ADAMTS19: variants seen among roughly 807,000 people sequenced by gnomAD.
ADAMTS19 encodes the protein A disintegrin and metalloproteinase with thrombospondin motifs 19.
ADAMTS19 carries 93 observed loss-of-function variants against 153.3 expected under a neutral mutation model. The ratio of observed to expected loss-of-function variants is 0.61; its 90% CI spans 0.51 to 0.72. ADAMTS19 has a LOEUF of 0.72. ADAMTS19 is among the 30% of genes least tolerant of loss of function. ADAMTS19 has a pLI of 0.00. For missense variants in ADAMTS19, 1,482 were observed against 1,552.1 expected, an observed-to-expected ratio of 0.95 and a Z score of 0.76; for synonymous variants, 600 against 556.6, an observed-to-expected ratio of 1.08 and a Z score of -1.10.
intron 3 of ADAMTS19, among the ~76,000 whole-genome samples, chr5:129,517,751 C>A (rs918302213): frequency 6.6e-6 from 1 of 151,678 alleles, no homozygotes. Context: ...CATTTTATGT[C>A]TTTTGATTAG....
chr5:129,533,806 G>A (rs1224732868), intron 6 of ADAMTS19, among the ~76,000 whole-genome samples: 8 of 151,902 alleles, frequency 5.3e-5, no homozygotes, highest in Non-Finnish European at 1.0e-4. Flanking sequence ...CTTTGTTCTC[G>A]TTGGTTGCAA....
At chr5:129,687,713 A>C (rs1160263861) in intron 18 of ADAMTS19, among the ~76,000 whole-genome samples, 1 of 152,194 alleles carries the variant, frequency 6.6e-6, no homozygotes, top group Non-Finnish European at 1.5e-5. Context: ...TCAATGACTC[A>C]GGGGTTCAAG....
intron 2 of ADAMTS19, among the ~76,000 whole-genome samples, chr5:129,465,283 T>A (rs1749814812): frequency 6.6e-6 from 1 of 151,464 alleles, no homozygotes; most frequent in African/African-American, 2.4e-5. Flanking sequence ...GCAACAATTA[T>A]CTTTGCTCAA....
At chr5:129,521,085 G>A (rs1751783043) in intron 3 of ADAMTS19, among the ~76,000 whole-genome samples, 1 of 152,112 alleles carries the variant, frequency 6.6e-6, no homozygotes, top group Non-Finnish European at 1.5e-5. Flanking sequence ...AGATTTTCAT[G>A]CGGGCTGTGG....
intron 6 of ADAMTS19, among the ~76,000 whole-genome samples, chr5:129,548,995 G>A (rs1752966151): frequency 7.7e-6 from 1 of 129,310 alleles, no homozygotes. Flanking sequence ...ATGGACACAG[G>A]AAGGGGAGCA....
At chr5:129,478,581 C>T (rs568830756) in intron 2 of ADAMTS19, among the ~76,000 whole-genome samples, 1 of 152,288 alleles carries the variant, frequency 6.6e-6, no homozygotes, top group Non-Finnish European at 1.5e-5. Context: ...GGGTCTTGCT[C>T]TGTCATCCAG....
At chr5:129,649,201 C>T (rs1753204718) in intron 13 of ADAMTS19, among the ~76,000 whole-genome samples, 1 of 152,172 alleles carries the variant, frequency 6.6e-6, no homozygotes, top group South Asian at 2.1e-4. Flanking sequence ...AAAGCAGTGA[C>T]AACACTAACT....
intron 7 of ADAMTS19, among the ~76,000 whole-genome samples, chr5:129,575,648 T>A (rs1754072325): frequency 6.6e-6 from 1 of 152,130 alleles, no homozygotes; most frequent in Admixed American, 6.6e-5. Context: ...AATTTTCAGC[T>A]GTTTCTGTGT....
chr5:129,551,050 A>G (rs1753073284), intron 6 of ADAMTS19, among the ~76,000 whole-genome samples: 1 of 151,700 alleles, frequency 6.6e-6, no homozygotes, highest in South Asian at 2.1e-4. Context: ...TACATGTTAA[A>G]TCATTTAAAT....
At chr5:129,634,458 C>G (rs1046198325) in intron 10 of ADAMTS19, among the ~76,000 whole-genome samples, 2 of 152,070 alleles carry the variant, frequency 1.3e-5, no homozygotes, top group Non-Finnish European at 2.9e-5. Flanking sequence ...GAAACAAAAA[C>G]AAGCCCAAAT....
chr5:129,639,462 C>T (rs954263364), intron 10 of ADAMTS19, among the ~76,000 whole-genome samples: 2 of 152,140 alleles, frequency 1.3e-5, no homozygotes, highest in African/African-American at 4.8e-5. Context: ...GGGTAAAAGA[C>T]ATCTCTGAGA....
chr5:129,564,473 C>T (rs1457885413), intron 7 of ADAMTS19, among the ~76,000 whole-genome samples: 6 of 151,958 alleles, frequency 3.9e-5, no homozygotes, highest in African/African-American at 7.3e-5. Flanking sequence ...TATACATGAT[C>T]CTTGGTGAGG....
chr5:129,685,476 A>C (rs1755042089), intron 18 of ADAMTS19, among the ~76,000 whole-genome samples: 1 of 152,154 alleles, frequency 6.6e-6, no homozygotes, highest in African/African-American at 2.4e-5. Context: ...AATAAATAAA[A>C]AATAATGTAG....
chr5:129,572,741 T>C (rs906634352), intron 7 of ADAMTS19, among the ~76,000 whole-genome samples: 2 of 151,926 alleles, frequency 1.3e-5, no homozygotes, highest in African/African-American at 4.8e-5. Flanking sequence ...AGATGAGTGA[T>C]TACTATTGAT....
At chr5:129,504,882 C>G (rs1581016280) in intron 2 of ADAMTS19, among the ~76,000 whole-genome samples, 1 of 150,754 alleles carries the variant, frequency 6.6e-6, no homozygotes, top group Non-Finnish European at 1.5e-5. Flanking sequence ...GACACACACA[C>G]ACACACACAC....
At chr5:129,670,634 C>T (rs1172084782) in intron 16 of ADAMTS19, among the ~76,000 whole-genome samples, 1 of 152,144 alleles carries the variant, frequency 6.6e-6, no homozygotes, top group African/African-American at 2.4e-5. Flanking sequence ...GTCCATGCAA[C>T]ACTTGTGATT....
intron 18 of ADAMTS19, among the ~76,000 whole-genome samples, chr5:129,687,744 A>G (rs1049325300): frequency 6.6e-6 from 1 of 152,182 alleles, no homozygotes; most frequent in African/African-American, 2.4e-5. Context: ...TGCTCATCAT[A>G]CTGCCTTCAT....
chr5:129,734,363 G>A (rs6871354), intron 21 of ADAMTS19, among the ~76,000 whole-genome samples: 2 of 151,818 alleles, frequency 1.3e-5, no homozygotes, highest in African/African-American at 2.4e-5. Flanking sequence ...ATTTTTATTA[G>A]CATAATACTA....
At chr5:129,681,787 A>C (rs1428323048) in intron 17 of ADAMTS19, among the ~76,000 whole-genome samples, 2 of 152,100 alleles carry the variant, frequency 1.3e-5, no homozygotes, top group East Asian at 3.8e-4. Context: ...GTCCCATTGG[A>C]TCCTATTATT....
Sources: gnomAD v4.1 joint callset for allele counts (sites outside exome capture counted in the v4.1 genomes callset) on GRCh38, gnomAD v4.1.1 for gene constraint, MANE v1.5 for transcripts, NCBI Gene and HGNC (gene_info 2026-07-23, HGNC 2026-07-21) for gene names.